Variants in MDH1 observed in about 807,000 individuals in gnomAD.
MDH1 encodes the protein malate dehydrogenase, cytoplasmic.
A neutral mutation model predicts 38.7 loss-of-function variants in MDH1; 15 were observed. That is an observed-to-expected ratio of 0.39 (90% CI 0.26 to 0.60). The LOEUF (loss-of-function observed/expected upper bound fraction) is 0.60. Among genes scored for constraint, MDH1 ranks in the 20% least tolerant of loss-of-function variants. MDH1 has a pLI of 0.56. For synonymous variants in MDH1, 144 were observed against 143.6 expected (o/e 1.00, Z -0.02); for missense variants, 368 against 405.2 (o/e 0.91, Z 0.79).
chr2:63,594,059 C>T (rs1009496611), intron 1 of MDH1, among the ~76,000 whole-genome samples: 2 of 152,178 alleles, frequency 1.3e-5, no homozygotes, highest in Non-Finnish European at 2.9e-5. Context: ...TGTTTTGGCT[C>T]AATGTAAATG....
chr2:63,596,605 AT>A (rs1281727720), intron 3 of MDH1, among the ~76,000 whole-genome samples: 3 of 151,596 alleles, frequency 2.0e-5, no homozygotes, highest in Non-Finnish European at 2.9e-5. Flanking sequence ...GAGGAAGATA[AT>A]TTTTTTTTCT....
At chr2:63,598,712 C>T (rs1433521844) in intron 4 of MDH1, among the ~76,000 whole-genome samples, 1 of 152,032 alleles carries the variant, frequency 6.6e-6, no homozygotes, top group Non-Finnish European at 1.5e-5. Flanking sequence ...TAGAAATCCA[C>T]AGGTGCCAGT....
At position 63,588,977 on chromosome 2, in the gene MDH1, G is replaced by A. The variant is rs1575715582; in HGVS notation, c.-67G>A. On this transcript the variant is annotated 5_prime_UTR_variant, in exon 1 of 9. Transcript: ENST00000233114. ...TCGCCCTCTCCGAGTCAGTTCCGCG[G>A]TAGAGGTGACCTGACTCTCTGAGGC... 8.7e-6 allele frequency: 14 copies of A among 1,611,562 alleles called. No individual in the cohort carries two copies. In the East Asian group the frequency reaches 3.1e-4, roughly 36 times the overall value.
chr2:63,595,338 AC>A, intron 2 of MDH1, 84 bp from the exon 3 acceptor site: 3 of 847,186 alleles, frequency 3.5e-6, no homozygotes, highest in Non-Finnish European at 6.1e-6. Context: ...GCATGTACAT[AC>A]CAAATAAAAA....
At chr2:63,595,375 T>C (rs1397204144) in intron 2 of MDH1, 48 bp from the exon 3 acceptor site, 1 of 1,159,196 alleles carries the variant, frequency 8.6e-7, no homozygotes, top group African/African-American at 1.5e-5. Flanking sequence ...TTCTTGTGTC[T>C]AAATGAAATA....
At chr2:63,590,179 G>C (rs915774228) in intron 1 of MDH1, 1 of 152,172 alleles carries the variant, frequency 6.6e-6, no homozygotes, top group Non-Finnish European at 1.5e-5. Context: ...ACCTTAGCTA[G>C]AAAGCAGAGG....
rs1709496030 is a variant in MDH1, at chr2:63,604,794, G to A, written c.597G>A (p.Lys199=). The A allele has an allele frequency of 6.2e-7, 1 of 1,614,060 alleles. No homozygotes were observed. Among genetic ancestry groups the A allele is most frequent in the African/African-American group, 1.3e-5 (1 of 74,928 alleles). Residue 199 remains lysine (K), a synonymous_variant, in exon 6 of 9, where the codon AAG becomes AAA. Coordinates refer to ENST00000233114, the MANE Select transcript of MDH1 (RefSeq NM_005917.4). ...STQYPDVNHA[K]VKLQGKEVGV... is the part of the protein sequence containing the mutation. ...AGTATCCAGATGTCAACCATGCCAA[G>A]GTGAAATTGCAAGGAAAGGAAGTTG... is the stretch of plus-strand genomic sequence containing the variant.
intron 5 of MDH1, among the ~76,000 whole-genome samples, chr2:63,604,191 C>G (rs17618390): frequency 0.21 from 31,947 of 152,078 alleles, 4,264 homozygotes; most frequent in Non-Finnish European, 0.28. Flanking sequence ...TGAGTCCTAT[C>G]CAACTCTAAA....
At chr2:63,590,568 C>G (rs1012227526) in intron 1 of MDH1, 1 of 152,148 alleles carries the variant, frequency 6.6e-6, no homozygotes, top group Non-Finnish European at 1.5e-5. Context: ...TTATTCCTTG[C>G]CATTCAAAAT....
Position 63,604,157 on chromosome 2 carries a change from G to T in MDH1, c.499-539G>T, listed in dbSNP as rs190529084. 2.4e-3 allele frequency among the ~76,000 whole-genome samples: 360 copies of T among 152,312 alleles called. 2 individuals carry two copies. The highest frequency in any genetic ancestry group is 8.3e-3 in the African/African-American group (343 of 41,568). ...CCTTCAGTTTCCTGATATATAAAATGAGGACAGTCATATCTTGGTAATTTG... is the reference window on the plus strand; with the variant it reads ...CCTTCAGTTTCCTGATATATAAAATTAGGACAGTCATATCTTGGTAATTTG... On this transcript the variant is annotated intron_variant, in intron 5 of 8. Coordinates refer to ENST00000233114, the MANE Select transcript of MDH1 (RefSeq NM_005917.4).
At chr2:63,596,962 G>A (rs1283903464) in intron 3 of MDH1, among the ~76,000 whole-genome samples, 2 of 152,080 alleles carry the variant, frequency 1.3e-5, no homozygotes, top group Admixed American at 6.6e-5. Flanking sequence ...CATTATCCTG[G>A]CACAAAACTC....
intron 3 of MDH1, 109 bp downstream of exon 3, chr2:63,595,628 T>G: frequency 1.4e-6 from 1 of 693,332 alleles, no homozygotes; most frequent in South Asian, 1.8e-5. Context: ...ATAAGAGGAT[T>G]TTTTTATTTT....
chr2:63,605,516 A>T (rs774655565), intron 7 of MDH1, 123 bp downstream of exon 7: 12 of 705,990 alleles, frequency 1.7e-5, no homozygotes, highest in Middle Eastern at 2.5e-4. Flanking sequence ...TCAGCTGCCT[A>T]TTAACAAGTA....
intron 5 of MDH1, among the ~76,000 whole-genome samples, chr2:63,602,615 G>A (rs1276910714): frequency 6.6e-6 from 1 of 151,964 alleles, no homozygotes; most frequent in Non-Finnish European, 1.5e-5. Flanking sequence ...GTAGATTCCT[G>A]TAACTGCCCC....
At chr2:63,589,337 T>A in intron 1 of MDH1, 1 of 1,550,644 alleles carries the variant, frequency 6.4e-7, no homozygotes, top group Non-Finnish European at 8.7e-7. Flanking sequence ...AATGCGACGC[T>A]GCAGCTATTT....
intron 3 of MDH1, 179 bp from the exon 4 acceptor site, chr2:63,597,220 T>A (rs1011367990): frequency 1.8e-5 from 16 of 913,454 alleles, no homozygotes; most frequent in Non-Finnish European, 2.1e-5. Context: ...TATTGACATT[T>A]CTAATGTTAT....
In MDH1 at chr2:63,607,068, G is replaced by A; in HGVS notation, c.*81G>A. ...GACTCAAGTACCAAATAATAATAAT[G>A]CTATACTTAAATTACTTGTGAAAAA... On this transcript the variant is annotated 3_prime_UTR_variant, in exon 9 of 9. Coordinates refer to ENST00000233114, the MANE Select transcript of MDH1 (RefSeq NM_005917.4). The A allele has an allele frequency of 7.5e-7, 1 of 1,332,252 alleles. No homozygotes were observed. The highest frequency in any genetic ancestry group is 1.0e-6 in the Non-Finnish European group (1 of 978,362). 82.5% of individuals were successfully genotyped at this position (1,332,252 alleles called of 1,614,324 possible). A position where few individuals can be genotyped will look rare whatever the true frequency, so the allele number is the denominator to read the frequency against.
At position 63,589,041 on chromosome 2, in the gene MDH1, A is replaced by G. The variant is rs201441090; in HGVS notation, c.-3A>G. ...GTTGAAATTGTCCCCGCAGTTTTCAATCATGGTGAGTGTGGGCCCCGGGTT... is the reference window on the plus strand; with the variant it reads ...GTTGAAATTGTCCCCGCAGTTTTCAGTCATGGTGAGTGTGGGCCCCGGGTT... On this transcript the variant is annotated 5_prime_UTR_variant, in exon 1 of 9. Transcript: ENST00000233114. The G allele has an allele frequency of 1.2e-4, 198 of 1,614,208 alleles. No homozygotes were observed. Among genetic ancestry groups the G allele is most frequent in the African/African-American group, 2.4e-4 (18 of 75,058 alleles).
chr2:63,589,399 G>A, intron 1 of MDH1: 4 of 1,548,984 alleles, frequency 2.6e-6, no homozygotes, highest in African/African-American at 1.4e-5. Context: ...GCGATGGGAG[G>A]GAAAGGTTGG....
Sources: allele counts gnomAD v4.1 joint callset (sites outside exome capture counted in the v4.1 genomes callset), GRCh38; gene constraint gnomAD v4.1.1; transcripts MANE v1.5; gene names NCBI Gene and HGNC (gene_info 2026-07-23, HGNC 2026-07-21).